The following RUSC2 variants were observed in gnomAD, a reference collection of about 807,000 sequenced individuals.
The protein encoded by RUSC2 is AP-4 complex accessory subunit RUSC2.
In RUSC2, 34 loss-of-function variants were observed where a neutral mutation model predicts 122.2. The observed-to-expected ratio is 0.28, with a 90% CI of 0.21 to 0.37. RUSC2 has a LOEUF of 0.37. Among genes scored for constraint, RUSC2 ranks in the 10% least tolerant of loss-of-function variants. RUSC2 has a pLI of 1.00. For synonymous variants in RUSC2, 784 were observed against 790.0 expected (o/e 0.99, Z 0.13); for missense variants, 1,747 against 1,952.4 (o/e 0.89, Z 1.98).
At chr9:35,511,457 A>G (rs1821009222) in intron 1 of RUSC2, among the ~76,000 whole-genome samples, 1 of 152,216 alleles carries the variant, frequency 6.6e-6, no homozygotes, top group South Asian at 2.1e-4. Flanking sequence ...TGCATATTCC[A>G]GAAGCCCATC....
rs1384486831 is a variant in RUSC2 at position 35,555,141 on chromosome 9, T to C, written c.2096T>C (p.Phe699Ser). The C allele has an allele frequency of 6.2e-7, 1 of 1,613,586 alleles. No individual in the cohort carries two copies. Among genetic ancestry groups the C allele is most frequent in the Non-Finnish European group, 8.5e-7 (1 of 1,180,004 alleles). Reference sequence around the variant, plus strand: ...ACACTGCCCATCCAGCCCTTCGTGTTCCAGCACCACTTCCCCAAGCAGCTG... The same window carrying C: ...ACACTGCCCATCCAGCCCTTCGTGTCCCAGCACCACTTCCCCAAGCAGCTG... ...PTTLPIQPFV[F>S]QHHFPKQLAK... Residue 699 changes from phenylalanine (F) to serine (S), a missense_variant, in exon 3 of 12, where the codon TTC (phenylalanine) becomes TCC (serine). Transcript: ENST00000361226. The surrounding 1 kb of genome is among the most constrained non-coding windows in gnomAD (Gnocchi z 4.6).
At chr9:35,504,382 T>C (rs922905500) in intron 1 of RUSC2, among the ~76,000 whole-genome samples, 1 of 152,188 alleles carries the variant, frequency 6.6e-6, no homozygotes, top group Non-Finnish European at 1.5e-5. Flanking sequence ...GTATGTTCAT[T>C]AAGTATATTT....
chr9:35,522,432 A>G (rs1821233815), intron 1 of RUSC2, among the ~76,000 whole-genome samples: 1 of 152,224 alleles, frequency 6.6e-6, no homozygotes. Flanking sequence ...TGCTTCAACC[A>G]GGGTAGCTGT....
At chr9:35,524,909 T>G (rs1821293152) in intron 1 of RUSC2, among the ~76,000 whole-genome samples, 1 of 150,756 alleles carries the variant, frequency 6.6e-6, no homozygotes, top group African/African-American at 2.5e-5. Context: ...AGGTGGAGCT[T>G]GCAGTAAGCC....
intron 1 of RUSC2, among the ~76,000 whole-genome samples, chr9:35,496,789 A>G (rs1820723197): frequency 6.6e-6 from 1 of 152,168 alleles, no homozygotes. Context: ...TAGTAAAACA[A>G]TATGTAACAG....
chr9:35,505,789 AT>A (rs1157896223), intron 1 of RUSC2, among the ~76,000 whole-genome samples: 1 of 152,184 alleles, frequency 6.6e-6, no homozygotes, highest in Non-Finnish European at 1.5e-5. Flanking sequence ...CAGAAAACAC[AT>A]TTGACAAGTT....
rs764892827 is a variant in RUSC2, at chr9:35,548,160, C to T, written c.1639C>T (p.Leu547=). The part of the protein sequence containing the change: ...PPRRVTSFAE[L]AKGRKKTGGS... ...CAGGAGGGTCACCTCCTTTGCCGAG[C>T]TGGCCAAGGGCCGGAAGAAAACTGG... Residue 547 remains leucine (L), a synonymous_variant, in exon 2 of 12, where the codon CTG becomes TTG. Transcript: ENST00000361226. This position sits in a 1 kb window ranked among gnomAD's most constrained non-coding sequence, Gnocchi z 4.5. 16 of 1,613,212 alleles carry T rather than the reference C, an allele frequency of 9.9e-6. 1 individual carries two copies. In the South Asian group the frequency reaches 1.3e-4, roughly 13 times the overall value.
In RUSC2 at chr9:35,560,651, G is replaced by A; in HGVS notation, c.4011G>A (p.Arg1337=). The change falls in exon 10 of 12, where the codon CGG becomes CGA. Residue 1337 remains arginine, a synonymous_variant. Coordinates refer to ENST00000361226, the MANE Select transcript of RUSC2 (RefSeq NM_014806.5). ...CTGCCTCTGAGGAGGCCCTGGGCCG[G>A]GAAAGGGGCTGGCCCTTCTGGATGG... ...ACPASEEALG[R]ERGWPFWMGS... is the part of the protein sequence containing the mutation. 6.3e-7 allele frequency: 1 copy of A among 1,596,656 alleles called. No individual in the cohort carries two copies. The highest frequency in any genetic ancestry group is 8.5e-7 in the Non-Finnish European group (1 of 1,171,228).
chr9:35,558,028 A>C lies in RUSC2; in HGVS notation c.3060+38A>C. On this transcript the variant is annotated intron_variant, in intron 6 of 11. Coordinates refer to ENST00000361226, the MANE Select transcript of RUSC2 (RefSeq NM_014806.5). This position sits in a 1 kb window ranked among gnomAD's most constrained non-coding sequence, Gnocchi z 4.3. ...ATGTGGAGAGCTGAGCTCTGCCTGC[A>C]AGCCCTCACCTGTCCCGCGCTACCA... 1 of 1,599,746 alleles carries C rather than the reference A, an allele frequency of 6.3e-7. No homozygotes were observed. Among genetic ancestry groups the C allele is most frequent in the Non-Finnish European group, 8.6e-7 (1 of 1,167,008 alleles).
rs200295038 is a variant in RUSC2 at position 35,561,215 on chromosome 9, G to A, written c.4384G>A (p.Gly1462Ser). Residue 1462 changes from glycine (G) to serine (S), a missense_variant, in exon 12 of 12, where the codon GGC (glycine) becomes AGC (serine). Gly to Ser is a moderately conservative substitution (Grantham distance 56). Transcript: ENST00000361226. ...VQALCHHLAT[G>S]PGQLSFHKGD... Reference sequence around the variant, plus strand: ...GGCACTGTGCCACCACCTGGCCACCGGCCCTGGACAGCTGAGCTTCCACAA... The same window carrying A: ...GGCACTGTGCCACCACCTGGCCACCAGCCCTGGACAGCTGAGCTTCCACAA... The A allele has an allele frequency of 2.1e-4, 334 of 1,614,144 alleles. 3 individuals carry two copies. Among genetic ancestry groups the A allele is most frequent in the South Asian group, 5.4e-4 (49 of 91,086 alleles).
intron 1 of RUSC2, among the ~76,000 whole-genome samples, chr9:35,497,726 C>T (rs1731700787): frequency 1.3e-5 from 2 of 152,276 alleles, no homozygotes; most frequent in African/African-American, 2.4e-5. Context: ...CTTGCATTGG[C>T]AGTGGGCCCA....
At chr9:35,540,795 G>A (rs933752507) in intron 1 of RUSC2, among the ~76,000 whole-genome samples, 1 of 152,184 alleles carries the variant, frequency 6.6e-6, no homozygotes, top group Non-Finnish European at 1.5e-5. Context: ...GGAAGAGGGT[G>A]TGGCCCCAAT....
At chr9:35,504,993 T>C (rs1820885907) in intron 1 of RUSC2, among the ~76,000 whole-genome samples, 1 of 152,254 alleles carries the variant, frequency 6.6e-6, no homozygotes, top group South Asian at 2.1e-4. Flanking sequence ...TACAATGCTA[T>C]GCTTATAGTT....
At chr9:35,525,289 G>C (rs931714369) in intron 1 of RUSC2, among the ~76,000 whole-genome samples, 5 of 152,186 alleles carry the variant, frequency 3.3e-5, no homozygotes, top group Non-Finnish European at 7.3e-5. Flanking sequence ...TAACCCCTCA[G>C]TTTTCAGATT....
intron 2 of RUSC2, among the ~76,000 whole-genome samples, chr9:35,554,677 G>A (rs956948090): frequency 2.0e-5 from 3 of 152,216 alleles, no homozygotes; most frequent in African/African-American, 7.2e-5. Flanking sequence ...AAAGCAGAAT[G>A]ATCTGGAGAT....
intron 1 of RUSC2, among the ~76,000 whole-genome samples, chr9:35,527,336 G>A (rs1193637740): frequency 2.0e-5 from 3 of 151,728 alleles, no homozygotes; most frequent in Non-Finnish European, 4.4e-5. Context: ...GTATGTACAT[G>A]TGTATGTATC....
intron 1 of RUSC2, among the ~76,000 whole-genome samples, chr9:35,503,502 T>G (rs983178161): frequency 6.6e-6 from 1 of 152,208 alleles, no homozygotes; most frequent in Non-Finnish European, 1.5e-5. Context: ...CTTTATCCAC[T>G]TGGTTGATGG....
intron 1 of RUSC2, among the ~76,000 whole-genome samples, chr9:35,543,183 T>C (rs752717331): frequency 2.4e-4 from 37 of 152,212 alleles, no homozygotes; most frequent in Non-Finnish European, 4.1e-4. Flanking sequence ...CCTAGCACTT[T>C]GGAAGGCCAA....
chr9:35,499,357 A>T (rs1820780404), intron 1 of RUSC2, among the ~76,000 whole-genome samples: 1 of 152,180 alleles, frequency 6.6e-6, no homozygotes, highest in African/African-American at 2.4e-5. Flanking sequence ...AATACATTTT[A>T]AAAAGTTCTG....
Sources: gnomAD v4.1 joint callset for allele counts (sites outside exome capture counted in the v4.1 genomes callset) on GRCh38, gnomAD v4.1.1 for gene constraint, Gnocchi (gnomAD v3.1) non-coding constraint, MANE v1.5 for transcripts, NCBI Gene and HGNC (gene_info 2026-07-23, HGNC 2026-07-21) for gene names.